Variants in ZNF726 observed in about 807,000 individuals in gnomAD.
ZNF726 encodes zinc finger protein 726.
Under a neutral mutation model 11.6 loss-of-function variants are expected in ZNF726, and 15 were observed. The ratio of observed to expected loss-of-function variants is 1.29; its 90% CI spans 0.86 to 1.99. The LOEUF is 1.99. Among genes scored for constraint, ZNF726 ranks in the 30% most tolerant of loss-of-function variants. The pLI, the probability that ZNF726 is intolerant of heterozygous loss-of-function variation, is 0.00. For synonymous variants in ZNF726, 295 were observed against 243.6 expected, an observed-to-expected ratio of 1.21 and a Z score of -1.96; for missense variants, 890 against 725.6, an observed-to-expected ratio of 1.23 and a Z score of -2.60.
At position 23,914,901 on chromosome 19, in the gene ZNF726, C is replaced by T. The variant is rs1967656735; in HGVS notation, c.-94C>T. ...CGGGGCCTTTGTCTCTATCTGCGGC[C>T]GGAGCTCCAGGTCTCGTCCTCACTA... is the stretch of plus-strand genomic sequence containing the variant. On this transcript the variant is annotated 5_prime_UTR_variant, in exon 1 of 4. Coordinates refer to ENST00000594466, the MANE Select transcript of ZNF726 (RefSeq NM_001244038.2). The T allele has an allele frequency of 1.3e-6, 2 of 1,572,018 alleles. No homozygotes were observed. Among genetic ancestry groups the T allele is most frequent in the African/African-American group, 2.7e-5 (2 of 73,878 alleles).
chr19:23,920,026 A>G lies in ZNF726; in HGVS notation c.170A>G (p.Glu57Gly), dbSNP rs747754233. 10 of 1,589,944 alleles carry G rather than the reference A, an allele frequency of 6.3e-6. No homozygotes were observed. The Admixed American group carries it at 1.2e-4, about 19-fold the overall frequency. The change falls in exon 3 of 4, where the codon GAG becomes GGG. Residue 57 changes from glutamate to glycine, a missense_variant. Glu to Gly is a moderately conservative substitution (Grantham distance 98). Coordinates refer to ENST00000594466, the MANE Select transcript of ZNF726 (RefSeq NM_001244038.2). ...AAGCCAGACCTCATCATCTGTCTGG[A>G]GAAAGAAAAAGAGCCCTGGAATATG... ...VSKPDLIICL[E>G]KEKEPWNMKR...
intron 3 of ZNF726, among the ~76,000 whole-genome samples, chr19:23,924,608 G>A (rs1173354532): frequency 6.6e-6 from 1 of 152,132 alleles, no homozygotes. Flanking sequence ...GTCAGGGCGA[G>A]GCAATGTGGT....
downstream of ZNF726, among the ~76,000 whole-genome samples, chr19:23,938,229 A>G (rs891056140): frequency 3.3e-5 from 5 of 152,306 alleles, no homozygotes; most frequent in South Asian, 8.3e-4. Context: ...TTTTGTGGAT[A>G]TGTAATATGT....
chr19:23,936,745 TTTTAA>T (rs1012616816), downstream of ZNF726, among the ~76,000 whole-genome samples: 5 of 151,468 alleles, frequency 3.3e-5, no homozygotes, highest in African/African-American at 1.2e-4. Flanking sequence ...TTTATTTTTA[TTTTAA>T]TTTATTTTTT....
At position 23,933,004 on chromosome 19, in the gene ZNF726, A is replaced by C. The variant is rs754692308; in HGVS notation, c.888A>C (p.Gln296His). 1 of 1,612,284 alleles carries C rather than the reference A, an allele frequency of 6.2e-7. No homozygotes were observed. The highest frequency in any genetic ancestry group is 1.7e-5 in the Admixed American group (1 of 59,888). Residue 296 changes from glutamine (Q) to histidine (H), a missense_variant, in exon 4 of 4, where the codon CAA becomes CAC. Transcript: ENST00000594466. ...AAGAATGTGGCAAAGCATTTAGCCA[A>C]CCCTCAGCACTAACCATACATAAGA... is the stretch of plus-strand genomic sequence containing the variant. ...KCEECGKAFS[Q>H]PSALTIHKRM... is the part of the protein sequence containing the mutation.
At chr19:23,940,901 T>G (rs1249297890) in intron 3 of ZNF726, among the ~76,000 whole-genome samples, 1 of 152,026 alleles carries the variant, frequency 6.6e-6, no homozygotes, top group East Asian at 1.9e-4. Flanking sequence ...GTCCTCAGGG[T>G]TTTCAAGGTA....
At chr19:23,937,706 G>C (rs1004981674), downstream of ZNF726, among the ~76,000 whole-genome samples, 1 of 151,238 alleles carries the variant, frequency 6.6e-6, no homozygotes, top group Non-Finnish European at 1.5e-5. Flanking sequence ...GACGATGGGC[G>C]GCCAGGTAGA....
At chr19:23,939,862 A>ATTGTTTTTTTTTTTTT (rs1968308844) in intron 3 of ZNF726, among the ~76,000 whole-genome samples, 1 of 87,154 alleles carries the variant, frequency 1.1e-5, no homozygotes, top group African/African-American at 4.6e-5. Context: ...TTTTGATGGG[A>ATTGTTTTTTTTTTTTT]TTTTTTTTTT....
rs74494309 is a variant in ZNF726 at position 23,932,570 on chromosome 19, A to C, written c.454A>C (p.Lys152Gln). The change falls in exon 4 of 4, where the codon AAA (lysine) becomes CAA (glutamine). Residue 152 changes from lysine to glutamine, a missense_variant. Lys to Gln is a moderately conservative substitution (Grantham distance 53). Transcript: ENST00000594466. The part of the protein sequence containing the change: ...GKASQCGKYL[K>Q]VFYKFINLNR... ...AGCTTCTCAATGTGGTAAATATTTG[A>C]AAGTCTTTTATAAATTTATAAATTT... 3.8e-6 allele frequency: 6 copies of C among 1,572,696 alleles called. No individual in the cohort carries two copies. In the South Asian group the frequency reaches 7.2e-5, roughly 19 times the overall value.
At chr19:23,932,081 C>T (rs891881506) in intron 3 of ZNF726, among the ~76,000 whole-genome samples, 3 of 152,098 alleles carry the variant, frequency 2.0e-5, no homozygotes, top group Non-Finnish European at 2.9e-5. Context: ...TTAGACTTTT[C>T]TTTTTCTTCT....
In ZNF726 at chr19:23,919,342, G is replaced by GT. The variant is rs760100569; in HGVS notation, c.4-30dup. On this transcript the variant is annotated intron_variant, in intron 1 of 3. Coordinates refer to ENST00000594466, the MANE Select transcript of ZNF726 (RefSeq NM_001244038.2). Reference sequence around the variant, plus strand: ...GAAAAATTCTGCCCATAGCCACTTTGTAAATATGTGTGTTTGTGTGTATTT... The same window carrying GT: ...GAAAAATTCTGCCCATAGCCACTTTGTTAAATATGTGTGTTTGTGTGTATTT... 4.4e-6 allele frequency: 7 copies of GT among 1,593,066 alleles called. No individual in the cohort carries two copies. In the South Asian group the frequency reaches 7.7e-5, roughly 18 times the overall value.
intron 2 of ZNF726, chr19:23,919,709 T>A: frequency 1.7e-6 from 1 of 581,340 alleles, no homozygotes; most frequent in Non-Finnish European, 2.6e-6. Flanking sequence ...CGCTTTAGAT[T>A]AGTGGTAATT....
At chr19:23,919,520 A>G in intron 2 of ZNF726, 21 bp downstream of exon 2, 1 of 1,560,700 alleles carries the variant, frequency 6.4e-7, no homozygotes, top group South Asian at 1.2e-5. Context: ...CTTTAATACA[A>G]AATTTTTAAT....
chr19:23,940,316 G>C (rs1376741661), intron 3 of ZNF726, among the ~76,000 whole-genome samples: 1 of 152,242 alleles, frequency 6.6e-6, no homozygotes, highest in South Asian at 2.1e-4. Context: ...TTGAAGATCA[G>C]TTGGCTGTAT....
intron 4 of ZNF726, chr19:23,944,129 C>A (rs951220006): frequency 1.3e-5 from 2 of 152,010 alleles, no homozygotes; most frequent in Admixed American, 6.6e-5. Context: ...GTGATATTGA[C>A]CACTTTTTTT....
At chr19:23,928,955 C>A (rs1445469351) in intron 3 of ZNF726, 2 of 151,992 alleles carry the variant, frequency 1.3e-5, no homozygotes, top group African/African-American at 4.8e-5. Flanking sequence ...TAGCATCACA[C>A]CTAGCTAGTT....
In ZNF726 at chr19:23,934,229, T is replaced by A; in HGVS notation, c.*262T>A. On this transcript the variant is annotated 3_prime_UTR_variant, in exon 4 of 4. Transcript: ENST00000594466. Reference sequence around the variant, plus strand: ...ATACTGGAAATAAACCCTACAAATGTGAAAAATGTGGCAAAGCATATGGTC... The same window carrying A: ...ATACTGGAAATAAACCCTACAAATGAGAAAAATGTGGCAAAGCATATGGTC... The A allele has an allele frequency of 2.8e-6, 2 of 724,418 alleles. No homozygotes were observed. Among genetic ancestry groups the A allele is most frequent in the Non-Finnish European group, 5.0e-6 (2 of 396,540 alleles). The allele number at this position is 724,418 out of a possible 1,614,324, so 44.9% of individuals were successfully genotyped here.
rs201252689 is a variant in ZNF726 at position 23,922,279 on chromosome 19, A to ATGGCTT, written c.226+2199_226+2204dup. Among the ~76,000 whole-genome samples, 1,418 of 152,348 alleles carry ATGGCTT rather than the reference A, an allele frequency of 9.3e-3. 5 individuals are homozygous for ATGGCTT. The highest frequency in any genetic ancestry group is 0.017 in the Middle Eastern group (5 of 294). On this transcript the variant is annotated intron_variant, in intron 3 of 3. Transcript: ENST00000594466. The stretch of plus-strand genomic sequence containing the variant: ...TCTTTATATCAGGATGTGGATGAGC[A>ATGGCTT]TGGCTTTCACCCAGTACAAGAGAGG...
downstream of ZNF726, chr19:23,935,780 C>T (rs1189566326): frequency 1.7e-5 from 3 of 173,424 alleles, no homozygotes; most frequent in Non-Finnish European, 3.7e-5. Flanking sequence ...TATTTGAGAA[C>T]AAATGTACAA....
Sources: allele counts gnomAD v4.1 joint callset (sites outside exome capture counted in the v4.1 genomes callset), GRCh38; gene constraint gnomAD v4.1.1; transcripts MANE v1.5; gene names NCBI Gene and HGNC (gene_info 2026-07-23, HGNC 2026-07-21).